The following CTNNA2 variants were observed in gnomAD, a reference collection of about 807,000 sequenced individuals.
The protein encoded by CTNNA2 is catenin alpha 2, also known as catenin alpha-2.
CTNNA2 carries 42 observed loss-of-function variants against 101.0 expected under a neutral mutation model. That is an observed-to-expected ratio of 0.42 (90% CI 0.32 to 0.54). The LOEUF (loss-of-function observed/expected upper bound fraction) is 0.54. CTNNA2 is among the 20% of genes least tolerant of loss of function. The probability of loss-of-function intolerance (pLI) is 0.14; values close to 1 mark genes in which losing one functional copy is unlikely to be tolerated. For missense variants in CTNNA2, 871 were observed against 1,223.1 expected (o/e 0.71, Z 4.29); for synonymous variants, 450 against 456.4 (o/e 0.99, Z 0.18).
At chr2:80,612,912 C>T (rs955854045) in intron 17 of CTNNA2, 11 of 151,476 alleles carry the variant, frequency 7.3e-5, no homozygotes, top group Non-Finnish European at 1.6e-4. Flanking sequence ...TCTAGGAATT[C>T]ATAGCAGTTC....
At chr2:80,283,021 TATA>T (rs1222042377) in intron 7 of CTNNA2, among the ~76,000 whole-genome samples, 1 of 152,142 alleles carries the variant, frequency 6.6e-6, no homozygotes, top group Non-Finnish European at 1.5e-5. Flanking sequence ...GAAGCAATCT[TATA>T]AGAATTAAAT....
chr2:79,389,689 A>G (rs1678145342), intron 4 of CTNNA2, among the ~76,000 whole-genome samples: 1 of 152,174 alleles, frequency 6.6e-6, no homozygotes, highest in Admixed American at 6.6e-5. Flanking sequence ...AACATGAATG[A>G]ATTGGCTTAG....
At chr2:79,272,286 C>T (rs1344673054) in intron 2 of CTNNA2, among the ~76,000 whole-genome samples, 1 of 151,932 alleles carries the variant, frequency 6.6e-6, no homozygotes, top group Non-Finnish European at 1.5e-5. Context: ...GATTTCAGAT[C>T]TCTTCCTGAA....
At chr2:79,340,833 C>CAAAAAAAAAAAAAAAAAAAAAA (rs56276462) in intron 3 of CTNNA2, among the ~76,000 whole-genome samples, 1 of 32,524 alleles carries the variant, frequency 3.1e-5, no homozygotes, top group East Asian at 1.1e-3. Context: ...GACTCAGTCT[C>CAAAAAAAAAAAAAAAAAAAAAA]AAAAAAAAAA....
intron 1 of CTNNA2, among the ~76,000 whole-genome samples, chr2:79,520,397 C>T (rs1042016968): frequency 5.9e-5 from 9 of 152,116 alleles, no homozygotes; most frequent in African/African-American, 1.9e-4. Flanking sequence ...ATTTTGAGTA[C>T]ATAAACTTCT....
At chr2:79,484,282 A>T (rs958089367) in intron 4 of CTNNA2, among the ~76,000 whole-genome samples, 13 of 152,078 alleles carry the variant, frequency 8.5e-5, no homozygotes, top group Admixed American at 6.6e-5. Context: ...TAATTAATTA[A>T]TTAGTTAAAT....
chr2:79,712,352 CT>C (rs1685792877), intron 2 of CTNNA2, among the ~76,000 whole-genome samples: 1 of 152,184 alleles, frequency 6.6e-6, no homozygotes, highest in Admixed American at 6.5e-5. Flanking sequence ...ACCATTCTTA[CT>C]TTCATTGCCA....
chr2:79,518,667 A>C (rs1671934288), intron 1 of CTNNA2, among the ~76,000 whole-genome samples: 4 of 152,156 alleles, frequency 2.6e-5, no homozygotes, highest in Admixed American at 2.6e-4. Flanking sequence ...TCAGTCTTCC[A>C]AGTTTATCTT....
intron 14 of CTNNA2, among the ~76,000 whole-genome samples, chr2:80,588,052 C>T (rs1696126642): frequency 6.6e-6 from 1 of 152,178 alleles, no homozygotes; most frequent in Admixed American, 6.5e-5. Flanking sequence ...CTCAGAGCTG[C>T]CAGTCAAGAC....
At chr2:79,332,834 A>C (rs1479231057) in intron 3 of CTNNA2, among the ~76,000 whole-genome samples, 1 of 152,220 alleles carries the variant, frequency 6.6e-6, no homozygotes, top group African/African-American at 2.4e-5. Flanking sequence ...AAACAGAGCC[A>C]AACTGATGTG....
chr2:79,684,877 C>T (rs1049222121), intron 2 of CTNNA2, among the ~76,000 whole-genome samples: 12 of 152,312 alleles, frequency 7.9e-5, no homozygotes, highest in Non-Finnish European at 1.2e-4. Context: ...GAGCTGACCT[C>T]TTTCCTATCC....
chr2:79,201,691 T>C (rs1237329278), intron 2 of CTNNA2, among the ~76,000 whole-genome samples: 1 of 152,082 alleles, frequency 6.6e-6, no homozygotes, highest in African/African-American at 2.4e-5. Flanking sequence ...GTTTGAGCCA[T>C]AAAGAAACTC....
chr2:79,787,446 A>G (rs2105232456), intron 3 of CTNNA2, among the ~76,000 whole-genome samples: 1 of 152,264 alleles, frequency 6.6e-6, no homozygotes, highest in South Asian at 2.1e-4. Context: ...TTCATAAAAG[A>G]TGAAGTAAGC....
chr2:80,358,339 T>C (rs11884997), intron 7 of CTNNA2, among the ~76,000 whole-genome samples: 1 of 146,280 alleles, frequency 6.8e-6, no homozygotes, highest in African/African-American at 2.7e-5. Context: ...TCAGTAGTAT[T>C]CTACTTTTTT....
At chr2:80,162,551 T>C in intron 7 of CTNNA2, 1 of 1,607,412 alleles carries the variant, frequency 6.2e-7, no homozygotes. Flanking sequence ...GAAGAAATCA[T>C]CTCTTTCCTC....
intron 1 of CTNNA2, among the ~76,000 whole-genome samples, chr2:79,553,904 G>A (rs1340902895): frequency 1.3e-5 from 2 of 152,180 alleles, no homozygotes; most frequent in African/African-American, 2.4e-5. Flanking sequence ...GAGGTATGTG[G>A]ACTTCTATCT....
At chr2:80,177,661 A>C (rs1705479212) in intron 7 of CTNNA2, among the ~76,000 whole-genome samples, 1 of 152,148 alleles carries the variant, frequency 6.6e-6, no homozygotes, top group Admixed American at 6.6e-5. Flanking sequence ...TTGATTATTA[A>C]AATCCTCCTC....
intron 7 of CTNNA2, among the ~76,000 whole-genome samples, chr2:80,160,371 C>T (rs1704235695): frequency 1.3e-5 from 2 of 152,052 alleles, no homozygotes; most frequent in Admixed American, 6.6e-5. Context: ...TCGTGTTAAC[C>T]TGTATATCAA....
intron 4 of CTNNA2, among the ~76,000 whole-genome samples, chr2:79,858,934 G>A (rs1207654408): frequency 6.6e-6 from 1 of 151,266 alleles, no homozygotes; most frequent in African/African-American, 2.4e-5. Flanking sequence ...ACTACGGGTC[G>A]TTCTTCCATT....
Sources: allele counts gnomAD v4.1 joint callset (sites outside exome capture counted in the v4.1 genomes callset), GRCh38; gene constraint gnomAD v4.1.1; transcripts MANE v1.5; gene names NCBI Gene and HGNC (gene_info 2026-07-23, HGNC 2026-07-21).